Variants in EFHD1 observed in about 807,000 individuals in gnomAD.
The protein encoded by EFHD1 is EF-hand domain family member D1.
In EFHD1, 10 loss-of-function variants were observed where a neutral mutation model predicts 17.2. The observed-to-expected ratio is 0.58, with a 90% CI of 0.36 to 0.99. EFHD1 has a LOEUF of 0.99. EFHD1 is among the 50% of genes least tolerant of loss of function. EFHD1 has a pLI of 0.01. For missense variants in EFHD1, 310 were observed against 327.5 expected (o/e 0.95, Z 0.41); for synonymous variants, 153 against 142.0 (o/e 1.08, Z -0.55).
At chr2:232,665,656 AGGCAGTCCACCTGCTTTG>A (rs1424516620) in intron 2 of EFHD1, among the ~76,000 whole-genome samples, 2 of 152,194 alleles carry the variant, frequency 1.3e-5, no homozygotes, top group East Asian at 3.8e-4. Flanking sequence ...TCCTGGCCTC[AGGCAGTCCACCTGCTTTG>A]GCCTCCCAAA....
At chr2:232,615,467 G>A (rs1351527439) in intron 1 of EFHD1, among the ~76,000 whole-genome samples, 3 of 151,620 alleles carry the variant, frequency 2.0e-5, no homozygotes, top group South Asian at 2.1e-4. Context: ...TGCTCACCTC[G>A]ACCTTCTGCA....
chr2:232,640,333 G>A (rs1333534801), intron 1 of EFHD1, among the ~76,000 whole-genome samples: 1 of 152,100 alleles, frequency 6.6e-6, no homozygotes, highest in East Asian at 1.9e-4. Context: ...TGAGCTAGTG[G>A]GTCTCTAAAG....
At chr2:232,641,646 C>T (rs887272368) in intron 1 of EFHD1, among the ~76,000 whole-genome samples, 3 of 152,228 alleles carry the variant, frequency 2.0e-5, no homozygotes, top group African/African-American at 7.2e-5. Context: ...ATGCAAATGG[C>T]ATGGCATGGC....
At chr2:232,631,707 C>CAAAA (rs761585159), upstream of EFHD1, among the ~76,000 whole-genome samples, 625 of 121,510 alleles carry the variant, frequency 5.1e-3, 16 homozygotes, top group African/African-American at 0.019. Flanking sequence ...AAAAAAAAAA[C>CAAAA]AAAAACAAAA....
intron 1 of EFHD1, among the ~76,000 whole-genome samples, chr2:232,634,318 A>AT (rs1477109107): frequency 6.6e-6 from 1 of 151,498 alleles, no homozygotes; most frequent in Non-Finnish European, 1.5e-5. Context: ...CAGTCCGGAG[A>AT]TTTGCTCCGA....
chr2:232,680,214 G>A (rs1187787964), intron 3 of EFHD1, among the ~76,000 whole-genome samples: 1 of 152,030 alleles, frequency 6.6e-6, no homozygotes, highest in South Asian at 2.1e-4. Flanking sequence ...GGCAGAGATG[G>A]CAATGAGCTG....
chr2:232,613,060 A>G (rs191169063), intron 1 of EFHD1, among the ~76,000 whole-genome samples: 14 of 151,928 alleles, frequency 9.2e-5, no homozygotes, highest in African/African-American at 2.9e-4. Flanking sequence ...GAAATGTAAC[A>G]TTTAGAGCAT....
At chr2:232,668,821 A>G (rs1969448) in intron 2 of EFHD1, among the ~76,000 whole-genome samples, 51,306 of 151,554 alleles carry the variant, frequency 0.34, 9,485 homozygotes, top group East Asian at 0.52. Flanking sequence ...TTTAGTAGAG[A>G]TGGGGTTTCA....
At chr2:232,619,308 CTTTCTTTT>C (rs1559337732) in intron 1 of EFHD1, among the ~76,000 whole-genome samples, 2 of 145,198 alleles carry the variant, frequency 1.4e-5, no homozygotes, top group Admixed American at 6.8e-5. Context: ...TTCTTTCTTT[CTTTCTTTT>C]TTTTTTTTTT....
At chr2:232,634,376 T>G (rs1419415754) in intron 1 of EFHD1, among the ~76,000 whole-genome samples, 1 of 152,208 alleles carries the variant, frequency 6.6e-6, no homozygotes, top group African/African-American at 2.4e-5. Flanking sequence ...ACCTGCCAGC[T>G]TTCACTGTAT....
chr2:232,672,788 G>A lies in EFHD1; in HGVS notation c.585+345G>A, dbSNP rs773803191. Among the ~76,000 whole-genome samples the A allele has an allele frequency of 2.3e-4, 35 of 152,186 alleles. 2 individuals carry two copies. The highest frequency in any genetic ancestry group is 2.1e-4 in the South Asian group (1 of 4,830). Reference sequence around the variant, plus strand: ...CTTCATAGGTGGTATGGGCTGTTGGGACTCTTGTGGAGTTTTGTTTTAGTT... The same window carrying A: ...CTTCATAGGTGGTATGGGCTGTTGGAACTCTTGTGGAGTTTTGTTTTAGTT... On this transcript the variant is annotated intron_variant, in intron 3 of 3. Transcript: ENST00000264059.
chr2:232,615,465 T>A (rs1305567076), intron 1 of EFHD1, among the ~76,000 whole-genome samples: 1 of 152,014 alleles, frequency 6.6e-6, no homozygotes, highest in Non-Finnish European at 1.5e-5. Flanking sequence ...GGTGCTCACC[T>A]CGACCTTCTG....
intron 1 of EFHD1, among the ~76,000 whole-genome samples, chr2:232,660,988 C>G (rs938224417): frequency 6.6e-6 from 1 of 151,400 alleles, no homozygotes; most frequent in East Asian, 1.9e-4. Context: ...AAAAACAAAA[C>G]AAAACAAAAA....
chr2:232,633,864 G>C lies in EFHD1; in HGVS notation c.160G>C (p.Glu54Gln). The change falls in exon 1 of 4, where the codon GAG becomes CAG. Residue 54 changes from glutamate to glutamine, a missense_variant. Glu to Gln is a conservative substitution (Grantham distance 29). Transcript: ENST00000264059. ...ARAPTASADA[E>Q]LSAQLSRRLD... ...TGCGCCCACGGCCAGCGCCGACGCGGAGCTGAGCGCCCAGCTGAGCCGGCG... is the reference window on the plus strand; with the variant it reads ...TGCGCCCACGGCCAGCGCCGACGCGCAGCTGAGCGCCCAGCTGAGCCGGCG... The C allele has an allele frequency of 4.6e-6, 7 of 1,520,340 alleles. No homozygotes were observed. The allele number at this position is 1,520,340 out of a possible 1,614,324, so 94.2% of individuals were successfully genotyped here.
chr2:232,623,881 G>C (rs1220983923), intron 1 of EFHD1, among the ~76,000 whole-genome samples: 1 of 152,138 alleles, frequency 6.6e-6, no homozygotes, highest in Non-Finnish European at 1.5e-5. Context: ...TGAGAGCTGT[G>C]TGCAGGCCTG....
intron 1 of EFHD1, among the ~76,000 whole-genome samples, chr2:232,637,426 C>T (rs998030442): frequency 2.7e-5 from 4 of 150,266 alleles, no homozygotes; most frequent in Non-Finnish European, 5.9e-5. Flanking sequence ...TCGCTGCAAG[C>T]TCCACCTCTT....
intron 1 of EFHD1, among the ~76,000 whole-genome samples, chr2:232,620,969 T>C (rs1468637723): frequency 6.6e-6 from 1 of 152,048 alleles, no homozygotes; most frequent in Non-Finnish European, 1.5e-5. Context: ...GTCGGGGTTC[T>C]CTAAGAGGGA....
intron 1 of EFHD1, among the ~76,000 whole-genome samples, chr2:232,610,015 C>G (rs1559334410): frequency 6.6e-6 from 1 of 152,220 alleles, no homozygotes; most frequent in Admixed American, 6.5e-5. Context: ...CTCCAACCCT[C>G]ACACATGCAT....
At chr2:232,667,838 G>C (rs941342545) in intron 2 of EFHD1, among the ~76,000 whole-genome samples, 2 of 152,190 alleles carry the variant, frequency 1.3e-5, no homozygotes, top group African/African-American at 4.8e-5. Flanking sequence ...GATTACGGGT[G>C]TGAGCCACTG....
Sources: gnomAD v4.1 joint callset for allele counts (sites outside exome capture counted in the v4.1 genomes callset) on GRCh38, gnomAD v4.1.1 for gene constraint, MANE v1.5 for transcripts, NCBI Gene and HGNC (gene_info 2026-07-23, HGNC 2026-07-21) for gene names.